DOK5: variants seen among roughly 807,000 people sequenced by gnomAD.
DOK5 encodes the protein docking protein 5, also known as downstream of tyrosine kinase 5.
DOK5 carries 27 observed loss-of-function variants against 43.3 expected under a neutral mutation model. The observed-to-expected ratio is 0.62, with a 90% CI of 0.46 to 0.86. DOK5 has a LOEUF of 0.86. Ranked by LOEUF, DOK5 falls within the 40% of genes least tolerant of loss-of-function variation. The pLI, the probability that DOK5 is intolerant of heterozygous loss-of-function variation, is 0.00. For synonymous variants in DOK5, 146 were observed against 140.1 expected (o/e 1.04, Z -0.30); for missense variants, 373 against 392.9 (o/e 0.95, Z 0.43).
chr20:54,477,388 G>A (rs181048192), intron 1 of DOK5, among the ~76,000 whole-genome samples: 37 of 152,128 alleles, frequency 2.4e-4, no homozygotes, highest in Non-Finnish European at 4.4e-5. Context: ...ATGTTTTAGC[G>A]ATTATGTCCT....
At chr20:54,593,890 A>G (rs779138411) in intron 5 of DOK5, among the ~76,000 whole-genome samples, 1 of 152,246 alleles carries the variant, frequency 6.6e-6, no homozygotes, top group East Asian at 1.9e-4. Flanking sequence ...AAACCAATAT[A>G]GGAACAGAAA....
rs6023440 is a variant in DOK5, at chr20:54,639,893, G to A, written c.736-3565G>A. On this transcript the variant is annotated intron_variant, in intron 6 of 7. Coordinates refer to ENST00000262593, the MANE Select transcript of DOK5 (RefSeq NM_018431.5). ...ACATTGAAATAAATGTGAGCTATAC[G>A]TACATTTGAGAAAAGATTAATCAAA... is the stretch of plus-strand genomic sequence containing the variant. Among the ~76,000 whole-genome samples the A allele has an allele frequency of 5.3e-3, 804 of 152,268 alleles. 7 individuals are homozygous for A. Among genetic ancestry groups the A allele is most frequent in the African/African-American group, 0.018 (749 of 41,554 alleles).
intron 1 of DOK5, among the ~76,000 whole-genome samples, chr20:54,548,906 C>T (rs1294174774): frequency 1.3e-5 from 2 of 152,182 alleles, no homozygotes; most frequent in African/African-American, 4.8e-5. Context: ...TGGCTCTTCT[C>T]GTGTTCTTAG....
At chr20:54,646,272 T>TTG (rs869147430) in intron 7 of DOK5, among the ~76,000 whole-genome samples, 14 of 114,640 alleles carry the variant, frequency 1.2e-4, no homozygotes, top group Middle Eastern at 4.3e-3. Context: ...TTTTTTTTTT[T>TTG]GAGACAGGGT....
chr20:54,611,510 G>T (rs1305944337), intron 6 of DOK5, among the ~76,000 whole-genome samples: 38 of 152,036 alleles, frequency 2.5e-4, no homozygotes, highest in Admixed American at 2.5e-3. Flanking sequence ...ACAGTGAGCC[G>T]AGTTTGTGCC....
At chr20:54,590,988 C>A (rs1005128612) in intron 4 of DOK5, among the ~76,000 whole-genome samples, 8 of 152,188 alleles carry the variant, frequency 5.3e-5, no homozygotes, top group African/African-American at 1.7e-4. Flanking sequence ...TAGCAATCAT[C>A]CAAATATGCA....
chr20:54,480,937 ATCT>A (rs1175582920), intron 1 of DOK5, among the ~76,000 whole-genome samples: 12 of 115,208 alleles, frequency 1.0e-4, no homozygotes, highest in African/African-American at 4.8e-4. Flanking sequence ...ATCATCTATC[ATCT>A]ATCTATCTAT....
At chr20:54,602,429 A>C (rs1431618155) in intron 5 of DOK5, among the ~76,000 whole-genome samples, 1 of 152,184 alleles carries the variant, frequency 6.6e-6, no homozygotes, top group Non-Finnish European at 1.5e-5. Flanking sequence ...TGTTTCCAAA[A>C]ATGTGGTATG....
chr20:54,629,429 C>T (rs918057908), intron 6 of DOK5, among the ~76,000 whole-genome samples: 2 of 152,228 alleles, frequency 1.3e-5, no homozygotes, highest in African/African-American at 4.8e-5. Flanking sequence ...AGAACATACT[C>T]TATAAAACAA....
intron 1 of DOK5, among the ~76,000 whole-genome samples, chr20:54,492,564 TA>T (rs1307523922): frequency 6.6e-6 from 1 of 151,736 alleles, no homozygotes; most frequent in Non-Finnish European, 1.5e-5. Flanking sequence ...AGATAAGTCC[TA>T]AAAAAAAGAG....
At chr20:54,576,998 G>A (rs1985472672) in intron 2 of DOK5, among the ~76,000 whole-genome samples, 1 of 151,910 alleles carries the variant, frequency 6.6e-6, no homozygotes, top group African/African-American at 2.4e-5. Flanking sequence ...TTATTCATTT[G>A]CTCATTTACT....
chr20:54,632,341 G>C (rs138003439), intron 6 of DOK5, among the ~76,000 whole-genome samples: 57 of 152,284 alleles, frequency 3.7e-4, no homozygotes, highest in Non-Finnish European at 6.8e-4. Flanking sequence ...CTGCCCTCAA[G>C]CTAGAAAAAC....
chr20:54,527,695 A>T (rs922404107), intron 1 of DOK5, among the ~76,000 whole-genome samples: 4 of 152,246 alleles, frequency 2.6e-5, no homozygotes, highest in African/African-American at 9.6e-5. Flanking sequence ...AGAATTCAAC[A>T]AAGTGGCAAA....
At chr20:54,605,198 T>C (rs1274392301) in intron 5 of DOK5, among the ~76,000 whole-genome samples, 3 of 152,070 alleles carry the variant, frequency 2.0e-5, no homozygotes, top group African/African-American at 4.8e-5. Context: ...CAAGAAAATA[T>C]GAAACTTATT....
intron 1 of DOK5, among the ~76,000 whole-genome samples, chr20:54,546,504 T>A (rs1356345102): frequency 6.6e-6 from 1 of 152,018 alleles, no homozygotes; most frequent in Non-Finnish European, 1.5e-5. Flanking sequence ...ACCCATTAAC[T>A]CGTCATTTAC....
At chr20:54,583,392 TTA>T (rs2146761022) in intron 2 of DOK5, among the ~76,000 whole-genome samples, 1 of 152,286 alleles carries the variant, frequency 6.6e-6, no homozygotes, top group African/African-American at 2.4e-5. Context: ...TCCGTTAAGT[TTA>T]ATTGGTCTTC....
intron 1 of DOK5, among the ~76,000 whole-genome samples, chr20:54,537,271 GATTT>G (rs1313678363): frequency 1.3e-5 from 2 of 152,166 alleles, no homozygotes; most frequent in African/African-American, 2.4e-5. Flanking sequence ...TGTTGAAAGA[GATTT>G]ATTTAAGATC....
chr20:54,507,446 T>C (rs1982850141), intron 1 of DOK5, among the ~76,000 whole-genome samples: 2 of 152,234 alleles, frequency 1.3e-5, no homozygotes, highest in Admixed American at 6.5e-5. Context: ...TCTTAACCCA[T>C]AAAAATATAA....
chr20:54,525,288 G>A (rs1286828136), intron 1 of DOK5, among the ~76,000 whole-genome samples: 1 of 152,104 alleles, frequency 6.6e-6, no homozygotes, highest in East Asian at 1.9e-4. Context: ...AATATTACAG[G>A]GACAAATGGG....
Sources: allele counts gnomAD v4.1 joint callset (sites outside exome capture counted in the v4.1 genomes callset), GRCh38; gene constraint gnomAD v4.1.1; transcripts MANE v1.5; gene names NCBI Gene and HGNC (gene_info 2026-07-23, HGNC 2026-07-21).